Variants in STAU2 observed in about 807,000 individuals in gnomAD.
STAU2 encodes the protein staufen double-stranded RNA binding protein 2.
A neutral mutation model predicts 65.9 loss-of-function variants in STAU2; 20 were observed. The ratio of observed to expected loss-of-function variants is 0.30; its 90% confidence interval spans 0.21 to 0.44. The LOEUF (loss-of-function observed/expected upper bound fraction) is 0.44, where lower values mean the gene tolerates loss of function less well. STAU2 is among the 20% of genes least tolerant of loss of function. STAU2 has a pLI of 1.00. For synonymous variants in STAU2, 232 were observed against 233.9 expected (o/e 0.99, Z 0.07); for missense variants, 558 against 683.9 (o/e 0.82, Z 2.05).
intron 12 of STAU2, among the ~76,000 whole-genome samples, chr8:73,575,408 G>A (rs757164869): frequency 1.6e-4 from 25 of 152,302 alleles, no homozygotes; most frequent in Non-Finnish European, 3.4e-4. Flanking sequence ...GTAAACTGCT[G>A]TCTATTGACA....
In STAU2 at chr8:73,746,815, A is replaced by G. The variant is rs1344457509; in HGVS notation, c.-229T>C. On this transcript the variant is annotated 5_prime_UTR_variant, in exon 1 of 15. Coordinates refer to ENST00000524300, the MANE Select transcript of STAU2 (RefSeq NM_001164380.2). ...CCGGGGACACTTTGCAGACGGCTCC[A>G]ACATTGGCAAACACTACAGAGAACT... 2 of 1,229,588 alleles carry G rather than the reference A, an allele frequency of 1.6e-6. No homozygotes were observed. Among genetic ancestry groups the G allele is most frequent in the Admixed American group, 4.2e-5 (1 of 23,538 alleles). The allele number at this position is 1,229,588 out of a possible 1,614,324, so 76.2% of individuals were successfully genotyped here.
chr8:73,719,900 G>C (rs928663492), intron 3 of STAU2, among the ~76,000 whole-genome samples: 1 of 151,946 alleles, frequency 6.6e-6, no homozygotes, highest in Admixed American at 6.6e-5. Flanking sequence ...TCCTTAACTT[G>C]TATAATTCAC....
intron 11 of STAU2, among the ~76,000 whole-genome samples, chr8:73,594,782 GA>G (rs1398262393): frequency 6.6e-6 from 1 of 152,060 alleles, no homozygotes; most frequent in Non-Finnish European, 1.5e-5. Flanking sequence ...GCCCTAAAGG[GA>G]TAAGTCAGAA....
At chr8:73,663,146 A>G (rs1816963452) in intron 6 of STAU2, among the ~76,000 whole-genome samples, 1 of 152,156 alleles carries the variant, frequency 6.6e-6, no homozygotes, top group African/African-American at 2.4e-5. Context: ...TATTACATCT[A>G]TTCGACTCTG....
In STAU2 at chr8:73,555,203, A is replaced by C. The variant is rs540935220; in HGVS notation, c.1223-2884T>G. ...CTTGCTGGAGATGACGATGACAGTAAATTTCAAAGGATGAGGAGAATACAG... is the reference window on the plus strand; with the variant it reads ...CTTGCTGGAGATGACGATGACAGTACATTTCAAAGGATGAGGAGAATACAG... On this transcript the variant is annotated intron_variant, in intron 12 of 14. Coordinates refer to ENST00000524300, the MANE Select transcript of STAU2 (RefSeq NM_001164380.2). Among the ~76,000 whole-genome samples the C allele has an allele frequency of 2.6e-5, 4 of 152,300 alleles. No homozygotes were observed. In the East Asian group the frequency reaches 7.7e-4, roughly 29 times the overall value.
chr8:73,736,520 C>A (rs909556838), intron 3 of STAU2, among the ~76,000 whole-genome samples: 8 of 152,276 alleles, frequency 5.3e-5, no homozygotes, highest in African/African-American at 1.9e-4. Flanking sequence ...TATAGCAGGA[C>A]TGCAGTCAAG....
intron 13 of STAU2, among the ~76,000 whole-genome samples, chr8:73,541,302 G>A (rs1244308728): frequency 6.6e-6 from 1 of 152,108 alleles, no homozygotes; most frequent in Non-Finnish European, 1.5e-5. Flanking sequence ...CAAATAATTG[G>A]CTTTCACTAT....
At chr8:73,513,492 G>T (rs938338720) in intron 13 of STAU2, among the ~76,000 whole-genome samples, 3 of 152,088 alleles carry the variant, frequency 2.0e-5, no homozygotes, top group Non-Finnish European at 4.4e-5. Context: ...TTTACTTTCT[G>T]CCAGGCCTTT....
intron 4 of STAU2, among the ~76,000 whole-genome samples, chr8:73,708,719 C>T (rs1820687824): frequency 6.6e-6 from 1 of 152,100 alleles, no homozygotes. Context: ...GGCACTGGCA[C>T]TTATGAACTA....
At chr8:73,495,322 CA>C (rs987475788) in intron 13 of STAU2, among the ~76,000 whole-genome samples, 1 of 151,400 alleles carries the variant, frequency 6.6e-6, no homozygotes. Flanking sequence ...AAACACTGAG[CA>C]TCATATATCA....
intron 5 of STAU2, among the ~76,000 whole-genome samples, chr8:73,687,785 CACTGCA>C (rs1436187190): frequency 6.6e-6 from 1 of 151,914 alleles, no homozygotes; most frequent in Non-Finnish European, 1.5e-5. Context: ...GATCTTGGCT[CACTGCA>C]ACCTCTGCCT....
At chr8:73,695,231 A>G (rs1819620570) in intron 4 of STAU2, among the ~76,000 whole-genome samples, 1 of 152,188 alleles carries the variant, frequency 6.6e-6, no homozygotes, top group African/African-American at 2.4e-5. Flanking sequence ...GAGGAGAGTG[A>G]AGAAAAAAGA....
chr8:73,712,588 A>G (rs893618299), intron 3 of STAU2, among the ~76,000 whole-genome samples: 3 of 152,222 alleles, frequency 2.0e-5, no homozygotes, highest in Non-Finnish European at 2.9e-5. Flanking sequence ...AGTCATGAAA[A>G]AAGTTTATAA....
intron 6 of STAU2, chr8:73,651,213 G>A (rs892855010): frequency 1.2e-5 from 10 of 865,378 alleles, no homozygotes; most frequent in Non-Finnish European, 1.6e-5. Context: ...AGGAGGCTAG[G>A]TCCTCAAATC....
At chr8:73,667,938 A>C (rs557613347) in intron 6 of STAU2, among the ~76,000 whole-genome samples, 14 of 152,312 alleles carry the variant, frequency 9.2e-5, no homozygotes, top group Admixed American at 4.6e-4. Context: ...TTTCTCTAAA[A>C]ATCTTTGCTT....
chr8:73,515,773 CTTTTTTTTTTTTTT>C (rs75132374), intron 13 of STAU2, among the ~76,000 whole-genome samples: 56 of 90,930 alleles, frequency 6.2e-4, no homozygotes, highest in Admixed American at 1.7e-3. Context: ...AAAAATTTCT[CTTTTTTTTTTTTTT>C]TTTTTTTTTT....
At chr8:73,598,070 A>C (rs1811332125) in intron 10 of STAU2, among the ~76,000 whole-genome samples, 1 of 152,226 alleles carries the variant, frequency 6.6e-6, no homozygotes, top group Non-Finnish European at 1.5e-5. Context: ...AGTTTTAAAC[A>C]GTATAATGAA....
chr8:73,640,298 C>T (rs1031914149), intron 6 of STAU2, among the ~76,000 whole-genome samples: 2 of 151,638 alleles, frequency 1.3e-5, no homozygotes, highest in African/African-American at 4.8e-5. Flanking sequence ...GAGACTAGAA[C>T]CAGCAGGGAC....
chr8:73,569,985 A>C (rs1302123261), intron 12 of STAU2, among the ~76,000 whole-genome samples: 1 of 152,244 alleles, frequency 6.6e-6, no homozygotes, highest in Non-Finnish European at 1.5e-5. Flanking sequence ...TGAGAGAAGA[A>C]GGCTTCAGAT....
Sources: allele counts gnomAD v4.1 joint callset (sites outside exome capture counted in the v4.1 genomes callset), GRCh38; gene constraint gnomAD v4.1.1; transcripts MANE v1.5; gene names NCBI Gene and HGNC (gene_info 2026-07-23, HGNC 2026-07-21).